The following IGF1R variants were observed in gnomAD, a reference collection of about 807,000 sequenced individuals.
IGF1R encodes the protein insulin like growth factor 1 receptor, also known as insulin-like growth factor 1 receptor.
A neutral mutation model predicts 144.6 loss-of-function variants in IGF1R; 44 were observed. The ratio of observed to expected loss-of-function variants is 0.30; its 90% confidence interval spans 0.24 to 0.39. IGF1R has a LOEUF of 0.39. Ranked by LOEUF, IGF1R falls within the 10% of genes least tolerant of loss-of-function variation. The pLI is 1.00. For missense variants in IGF1R, 1,355 were observed against 1,833.7 expected, an observed-to-expected ratio of 0.74 and a Z score of 4.77; for synonymous variants, 795 against 722.8, an observed-to-expected ratio of 1.10 and a Z score of -1.60.
chr15:98,708,232 C>T (rs1350796291), intron 2 of IGF1R, 125 bp downstream of exon 2: 4 of 833,364 alleles, frequency 4.8e-6, no homozygotes, highest in Admixed American at 2.0e-5. Flanking sequence ...GCATTTAGGA[C>T]GTGGCATGCC....
intron 2 of IGF1R, among the ~76,000 whole-genome samples, chr15:98,847,254 G>T (rs957915214): frequency 2.6e-4 from 40 of 152,282 alleles, no homozygotes; most frequent in African/African-American, 9.4e-4. Flanking sequence ...TGGGATTAAG[G>T]TATGAGCCAC....
At chr15:98,889,397 AG>A (rs1452599613) in intron 2 of IGF1R, among the ~76,000 whole-genome samples, 6 of 152,236 alleles carry the variant, frequency 3.9e-5, no homozygotes, top group African/African-American at 1.4e-4. Flanking sequence ...AACTTTCTAG[AG>A]GACAGTTTAA....
intron 5 of IGF1R, among the ~76,000 whole-genome samples, chr15:98,907,227 G>C (rs781385754): frequency 1.3e-5 from 2 of 152,242 alleles, no homozygotes; most frequent in Non-Finnish European, 2.9e-5. Flanking sequence ...TCACAGGGCT[G>C]CTTGGCAGCA....
intron 2 of IGF1R, among the ~76,000 whole-genome samples, chr15:98,806,887 G>A (rs1401940561): frequency 6.6e-6 from 1 of 152,130 alleles, no homozygotes. Flanking sequence ...TTGGTCAGGC[G>A]CGGTGGCTCA....
At chr15:98,754,146 C>T (rs2055090193) in intron 2 of IGF1R, among the ~76,000 whole-genome samples, 3 of 152,136 alleles carry the variant, frequency 2.0e-5, no homozygotes, top group African/African-American at 7.2e-5. Context: ...GGATCAGTAT[C>T]AGGATCGGGA....
intron 2 of IGF1R, among the ~76,000 whole-genome samples, chr15:98,793,764 G>C (rs567043177): frequency 8.5e-5 from 13 of 152,100 alleles, no homozygotes; most frequent in Non-Finnish European, 1.6e-4. Context: ...ATACCCAGAG[G>C]TCTGCAGGAA....
At chr15:98,714,329 G>A (rs1299042317) in intron 2 of IGF1R, among the ~76,000 whole-genome samples, 4 of 152,154 alleles carry the variant, frequency 2.6e-5, no homozygotes, top group Admixed American at 1.3e-4. Flanking sequence ...CTAGATCAAA[G>A]TGGAGGACCT....
chr15:98,768,630 A>T (rs968827113), intron 2 of IGF1R, among the ~76,000 whole-genome samples: 13 of 98,454 alleles, frequency 1.3e-4, no homozygotes, highest in African/African-American at 4.4e-4. Context: ...AAAAAAAAAA[A>T]TGCCCACAAC....
chr15:98,690,481 T>C (rs1047659185), intron 1 of IGF1R, among the ~76,000 whole-genome samples: 1 of 152,258 alleles, frequency 6.6e-6, no homozygotes, highest in East Asian at 1.9e-4. Flanking sequence ...AGATACTTGC[T>C]ATGCAAGCAA....
chr15:98,680,239 T>G (rs1392852978), intron 1 of IGF1R, among the ~76,000 whole-genome samples: 1 of 151,888 alleles, frequency 6.6e-6, no homozygotes, highest in Non-Finnish European at 1.5e-5. Context: ...CAAGCTTTAT[T>G]CGTGGTGGTA....
At chr15:98,903,606 G>A (rs2014586495) in intron 5 of IGF1R, among the ~76,000 whole-genome samples, 1 of 152,162 alleles carries the variant, frequency 6.6e-6, no homozygotes, top group Non-Finnish European at 1.5e-5. Flanking sequence ...ACTCATAATA[G>A]CCTCCCGGGA....
Position 98,962,213 on chromosome 15 carries a change from C to T in IGF1R, c.*4771C>T, listed in dbSNP as rs1161460050. ...TCCAGGGTGGCCAGACGGTGTTGGCCACTCCCTTCTAAAACACAGGCGCCC... is the reference window on the plus strand; with the variant it reads ...TCCAGGGTGGCCAGACGGTGTTGGCTACTCCCTTCTAAAACACAGGCGCCC... On this transcript the variant is annotated 3_prime_UTR_variant, in exon 21 of 21. Transcript: ENST00000650285. 8.6e-6 allele frequency: 2 copies of T among 233,248 alleles called. No individual in the cohort carries two copies. Among genetic ancestry groups the T allele is most frequent in the Non-Finnish European group, 1.7e-5 (2 of 118,110 alleles). The allele number at this position is 233,248 out of a possible 1,614,324, so 14.4% of individuals were successfully genotyped here. A position where few individuals can be genotyped will look rare whatever the true frequency, so the allele number is the denominator to read the frequency against.
chr15:98,658,687 TCTTC>T (rs2052537048), intron 1 of IGF1R, among the ~76,000 whole-genome samples: 1 of 152,234 alleles, frequency 6.6e-6, no homozygotes, highest in Admixed American at 6.5e-5. Context: ...GTCAAATTCC[TCTTC>T]CTTCTTGAAG....
intron 2 of IGF1R, chr15:98,880,646 C>T (rs1404366273): frequency 3.9e-5 from 6 of 152,210 alleles, no homozygotes; most frequent in Non-Finnish European, 8.8e-5. Context: ...CCACAACAGA[C>T]TTTGTTCTTT....
At chr15:98,888,996 G>T (rs2013778923) in intron 2 of IGF1R, among the ~76,000 whole-genome samples, 2 of 152,184 alleles carry the variant, frequency 1.3e-5, no homozygotes, top group Non-Finnish European at 2.9e-5. Context: ...GGATGGCCAT[G>T]CCCTCTTTGT....
rs1273841068 is a variant in IGF1R, at chr15:98,908,834, C to T, written c.1397C>T (p.Thr466Met). Residue 466 changes from threonine to methionine, a missense_variant, in exon 6 of 21, where the codon ACG becomes ATG. Transcript: ENST00000650285. ...GAAATTTACCGCATGGAGGAAGTGA[C>T]GGGGACTAAAGGGCGCCAAAGCAAA... Reference protein sequence around the residue: ...VSEIYRMEEVTGTKGRQSKGD... With the variant: ...VSEIYRMEEVMGTKGRQSKGD... 15 of 1,613,952 alleles carry T rather than the reference C, an allele frequency of 9.3e-6. No individual in the cohort carries two copies. Among genetic ancestry groups the T allele is most frequent in the Admixed American group, 1.7e-5 (1 of 59,982 alleles).
Position 98,755,082 on chromosome 15 carries a change from TTGTG to T in IGF1R, c.640+46979_640+46982del, listed in dbSNP as rs45547031. On this transcript the variant is annotated intron_variant, in intron 2 of 20. Transcript: ENST00000650285. ...TAAAATAAAAGATATATATAGAAAA[TTGTG>T]TGTCCTCGTTAATCTTCTTTAGGAA... Among the ~76,000 whole-genome samples, 101 of 152,258 alleles carry T rather than the reference TTGTG, an allele frequency of 6.6e-4. 3 individuals carry two copies. The South Asian group carries it at 0.02, about 31-fold the overall frequency.
chr15:98,809,573 C>G (rs142605221), intron 2 of IGF1R, among the ~76,000 whole-genome samples: 1 of 152,280 alleles, frequency 6.6e-6, no homozygotes, highest in Admixed American at 6.5e-5. Context: ...TTTATAAAAC[C>G]GCTGAGTAGA....
In IGF1R at chr15:98,958,956, G is replaced by T. The variant is rs936070303; in HGVS notation, c.*1514G>T. ...TGCCCCTTTAGTTGTTTTCTAACCC[G>T]TAGGCTCTCTGGGCACGAGGCAGAA... On this transcript the variant is annotated 3_prime_UTR_variant, in exon 21 of 21. Transcript: ENST00000650285. 1.7e-5 allele frequency: 4 copies of T among 233,234 alleles called. No individual in the cohort carries two copies. The East Asian group carries it at 2.4e-4, about 14-fold the overall frequency. 14.4% of individuals were successfully genotyped at this position (233,234 alleles called of 1,614,324 possible).
Sources: allele counts gnomAD v4.1 joint callset (sites outside exome capture counted in the v4.1 genomes callset), GRCh38; gene constraint gnomAD v4.1.1; transcripts MANE v1.5; gene names NCBI Gene and HGNC (gene_info 2026-07-23, HGNC 2026-07-21).